The following LRP1B variants were observed in gnomAD, a reference collection of about 807,000 sequenced individuals.
LRP1B encodes LDL receptor related protein 1B, also known as low-density lipoprotein receptor-related protein 1B.
A neutral mutation model predicts 556.6 loss-of-function variants in LRP1B; 217 were observed. The observed-to-expected ratio is 0.39, with a 90% CI of 0.35 to 0.44. The LOEUF is 0.44. Ranked by LOEUF, LRP1B falls within the 20% of genes least tolerant of loss-of-function variation. LRP1B has a pLI of 1.00. For synonymous variants in LRP1B, 2,047 were observed against 1,865.8 expected, an observed-to-expected ratio of 1.10 and a Z score of -2.50; for missense variants, 5,053 against 5,620.8, an observed-to-expected ratio of 0.90 and a Z score of 3.23.
chr2:141,620,859 T>C (rs907133124), intron 2 of LRP1B, among the ~76,000 whole-genome samples: 1 of 152,078 alleles, frequency 6.6e-6, no homozygotes, highest in Non-Finnish European at 1.5e-5. Flanking sequence ...TTCAGGTTAG[T>C]TGGACATACT....
At chr2:141,053,159 T>C (rs1699083697) in intron 10 of LRP1B, among the ~76,000 whole-genome samples, 1 of 152,006 alleles carries the variant, frequency 6.6e-6, no homozygotes, top group Non-Finnish European at 1.5e-5. Flanking sequence ...AATTGAATAG[T>C]AAAAAATACA....
At chr2:142,087,664 TA>T (rs1705998359) in intron 1 of LRP1B, among the ~76,000 whole-genome samples, 2 of 152,046 alleles carry the variant, frequency 1.3e-5, no homozygotes, top group Non-Finnish European at 2.9e-5. Context: ...TAATACCATG[TA>T]ATTCATTTTT....
chr2:140,445,760 A>C (rs893157243), intron 63 of LRP1B, among the ~76,000 whole-genome samples: 9 of 152,142 alleles, frequency 5.9e-5, no homozygotes, highest in African/African-American at 2.2e-4. Context: ...AACTAAATTT[A>C]CTGAATATGA....
chr2:140,629,017 C>G (rs1683780600), intron 41 of LRP1B, among the ~76,000 whole-genome samples: 1 of 151,864 alleles, frequency 6.6e-6, no homozygotes, highest in Non-Finnish European at 1.5e-5. Context: ...CCAACTATAC[C>G]TTCTTTCTTT....
chr2:141,869,305 G>C (rs1411280959), intron 1 of LRP1B, among the ~76,000 whole-genome samples: 1 of 151,856 alleles, frequency 6.6e-6, no homozygotes, highest in African/African-American at 2.4e-5. Context: ...ACCCCATGTG[G>C]CTAGTGGCTA....
In LRP1B at chr2:140,718,610, T is replaced by C. The variant is rs575103143; in HGVS notation, c.5759-1794A>G. Among the ~76,000 whole-genome samples the C allele has an allele frequency of 3.9e-5, 6 of 152,006 alleles. No homozygotes were observed. The South Asian group carries it at 8.3e-4, about 21-fold the overall frequency. The stretch of plus-strand genomic sequence containing the variant: ...ATATAAATAAGTTAGAATGGAGAAA[T>C]TCCCAAAGGAAAAAAAAATGTAAAT... On this transcript the variant is annotated intron_variant, in intron 35 of 90. Coordinates refer to ENST00000389484, the MANE Select transcript of LRP1B (RefSeq NM_018557.3).
chr2:142,020,062 T>A (rs1389640388), intron 1 of LRP1B, among the ~76,000 whole-genome samples: 2 of 152,134 alleles, frequency 1.3e-5, no homozygotes, highest in Admixed American at 6.5e-5. Context: ...GAATGTAATC[T>A]CCAAGAAAGA....
chr2:141,289,618 G>T (rs1260203369), intron 3 of LRP1B, among the ~76,000 whole-genome samples: 2 of 151,968 alleles, frequency 1.3e-5, no homozygotes, highest in East Asian at 3.9e-4. Flanking sequence ...AAGGGAAAAG[G>T]CTCTACTTTA....
At chr2:141,578,247 T>A (rs1686828396) in intron 2 of LRP1B, among the ~76,000 whole-genome samples, 1 of 151,486 alleles carries the variant, frequency 6.6e-6, no homozygotes, top group Non-Finnish European at 1.5e-5. Context: ...TACAAAAAAA[T>A]TAGCTGGGCG....
chr2:140,556,415 G>T (rs1247808669), intron 43 of LRP1B, among the ~76,000 whole-genome samples: 4 of 151,916 alleles, frequency 2.6e-5, no homozygotes. Flanking sequence ...TCCCCCCACA[G>T]TCTAGTATAT....
chr2:141,271,392 A>G (rs1685084134), intron 3 of LRP1B, among the ~76,000 whole-genome samples: 1 of 151,854 alleles, frequency 6.6e-6, no homozygotes, highest in African/African-American at 2.4e-5. Context: ...AACACAACCA[A>G]GAATCAACAA....
In LRP1B at chr2:141,764,724, A is replaced by G. The variant is rs1381021082; in HGVS notation, c.205+45555T>C. Among the ~76,000 whole-genome samples the G allele has an allele frequency of 2.0e-5, 3 of 152,074 alleles. No individual in the cohort carries two copies. In the East Asian group the frequency reaches 5.8e-4, roughly 29 times the overall value. ...TTTTTTATGGGAGCCTGAGCTTAAT[A>G]ATACAGTTTGTTTAACCAAAATGTT... On this transcript the variant is annotated intron_variant, in intron 2 of 90. Transcript: ENST00000389484.
At chr2:141,408,687 G>GTTTA (rs10655255) in intron 3 of LRP1B, among the ~76,000 whole-genome samples, 120,364 of 151,530 alleles carry the variant, frequency 0.79, 48,601 homozygotes, top group African/African-American at 0.9. Context: ...AGTTATTTTA[G>GTTTA]TTTATCTCTA....
intron 89 of LRP1B, among the ~76,000 whole-genome samples, chr2:140,237,925 C>T (rs1558917421): frequency 6.6e-6 from 1 of 150,684 alleles, no homozygotes; most frequent in Admixed American, 6.6e-5. Flanking sequence ...TATAAAAGAA[C>T]TGAGCAAATA....
At chr2:141,041,740 G>T (rs1698706416) in intron 11 of LRP1B, among the ~76,000 whole-genome samples, 2 of 152,050 alleles carry the variant, frequency 1.3e-5, no homozygotes, top group South Asian at 4.1e-4. Flanking sequence ...ATTCTGAATG[G>T]TCACAACATT....
intron 32 of LRP1B, among the ~76,000 whole-genome samples, chr2:140,796,010 G>A (rs1007116447): frequency 2.6e-5 from 4 of 151,880 alleles, no homozygotes; most frequent in Non-Finnish European, 5.9e-5. Context: ...TTTAAATAAA[G>A]AAGAGACATA....
At chr2:140,663,357 A>G (rs915065844) in intron 41 of LRP1B, among the ~76,000 whole-genome samples, 1 of 152,202 alleles carries the variant, frequency 6.6e-6, no homozygotes, top group African/African-American at 2.4e-5. Context: ...TCATGCCAAG[A>G]TCCACACATA....
chr2:140,445,630 T>C (rs564281436), intron 63 of LRP1B, among the ~76,000 whole-genome samples: 1 of 152,204 alleles, frequency 6.6e-6, no homozygotes, highest in East Asian at 1.9e-4. Context: ...ATAATAATAA[T>C]AAGGCAGGAT....
intron 7 of LRP1B, among the ~76,000 whole-genome samples, chr2:141,131,177 AC>A (rs763137357): frequency 0.034 from 5,169 of 152,020 alleles, 30 homozygotes; most frequent in East Asian, 0.15. Flanking sequence ...GTCTCCACTT[AC>A]AGTGGTGTAA....
Sources: gnomAD v4.1 joint callset for allele counts (sites outside exome capture counted in the v4.1 genomes callset) on GRCh38, gnomAD v4.1.1 for gene constraint, MANE v1.5 for transcripts, NCBI Gene and HGNC (gene_info 2026-07-23, HGNC 2026-07-21) for gene names.